PRRG2: variants seen among roughly 807,000 people sequenced by gnomAD.
PRRG2 encodes the protein proline rich and Gla domain 2, also known as transmembrane gamma-carboxyglutamic acid protein 2.
Under a neutral mutation model 27.1 loss-of-function variants are expected in PRRG2, and 23 were observed. That is an observed-to-expected ratio of 0.85 (90% CI 0.61 to 1.20). The LOEUF is 1.20. PRRG2 is among the 50% of genes most tolerant of loss of function. The pLI, the probability that PRRG2 is intolerant of heterozygous loss-of-function variation, is 0.00. For missense variants in PRRG2, 276 were observed against 254.8 expected (o/e 1.08, Z -0.57); for synonymous variants, 104 against 103.4 (o/e 1.01, Z -0.03).
intron 4 of PRRG2, among the ~76,000 whole-genome samples, chr19:49,584,504 T>G (rs968693965): frequency 8.5e-5 from 13 of 152,158 alleles, no homozygotes; most frequent in African/African-American, 3.1e-4. Context: ...GGTCTCGCTG[T>G]GTCACCCAGG....
At chr19:49,587,802 A>G (rs2080682535) in intron 4 of PRRG2, among the ~76,000 whole-genome samples, 1 of 151,298 alleles carries the variant, frequency 6.6e-6, no homozygotes. Flanking sequence ...TAATTTTTGT[A>G]GAGATGGGGT....
In PRRG2 at chr19:49,590,581, C is replaced by A; in HGVS notation, c.*192C>A. On this transcript the variant is annotated 3_prime_UTR_variant, in exon 7 of 7. Coordinates refer to ENST00000246794, the MANE Select transcript of PRRG2 (RefSeq NM_000951.3). ...ATGGATATACACATGTTTTCGGCAA[C>A]GTGTTCCCGTGTCCTGGCCCCTCAC... is the stretch of plus-strand genomic sequence containing the variant. The A allele has an allele frequency of 1.4e-6, 1 of 727,174 alleles. No individual in the cohort carries two copies. 45.0% of individuals were successfully genotyped at this position (727,174 alleles called of 1,614,324 possible).
intron 1 of PRRG2, among the ~76,000 whole-genome samples, chr19:49,582,641 G>T (rs1479932639): frequency 6.6e-6 from 1 of 152,020 alleles, no homozygotes; most frequent in African/African-American, 2.4e-5. Flanking sequence ...GCTGAGGCGG[G>T]CAGATCACGA....
In PRRG2 at chr19:49,590,031, C is replaced by T. The variant is rs1268457744; in HGVS notation, c.569C>T (p.Ala190Val). The T allele has an allele frequency of 6.6e-7, 1 of 1,524,066 alleles. No homozygotes were observed. The highest frequency in any genetic ancestry group is 8.8e-7 in the Non-Finnish European group (1 of 1,140,868). The allele number at this position is 1,524,066 out of a possible 1,614,324, so 94.4% of individuals were successfully genotyped here. A position where few individuals can be genotyped will look rare whatever the true frequency, so the allele number is the denominator to read the frequency against. Residue 190 changes from alanine (A) to valine (V), a missense_variant, in exon 6 of 7, where the codon GCA becomes GTA. Coordinates refer to ENST00000246794, the MANE Select transcript of PRRG2 (RefSeq NM_000951.3). ...QALAASGVHD[A>V]PPPPYTSLRR... ...CTGGCAGCCTCTGGGGTACACGACG[C>T]ACCTCCACCCCCCTACACCAGGTAT...
Position 49,590,387 on chromosome 19 carries a change from T to C in PRRG2, c.607T>C (p.Ter203ArgextTer14). 1 of 1,614,106 alleles carries C rather than the reference T, an allele frequency of 6.2e-7. No homozygotes were observed. Among genetic ancestry groups the C allele is most frequent in the Non-Finnish European group, 8.5e-7 (1 of 1,179,990 alleles). The change falls in exon 7 of 7, where the codon TGA becomes CGA. Residue 203 changes from the stop codon to arginine (R), a stop_lost. Coordinates refer to ENST00000246794, the MANE Select transcript of PRRG2 (RefSeq NM_000951.3). ...PPYTSLRRPH[*>R] Reference sequence around the variant, plus strand: ...CTCTTGCAGCCTCAGGAGGCCTCACTGAAGAGCTGCTTTCGAGACCCGGCT... The same window carrying C: ...CTCTTGCAGCCTCAGGAGGCCTCACCGAAGAGCTGCTTTCGAGACCCGGCT...
rs1023793597 is a variant in PRRG2, at chr19:49,583,083, G to A, written c.-13-124G>A. On this transcript the variant is annotated intron_variant, in intron 1 of 6. Coordinates refer to ENST00000246794, the MANE Select transcript of PRRG2 (RefSeq NM_000951.3). ...ATATAGGTAAACAGTATCTGGCACA[G>A]AATACAGGCTGTGTAAGTGGCTGCT... The A allele has an allele frequency of 9.9e-6, 7 of 708,424 alleles. No individual in the cohort carries two copies. In the Admixed American group the frequency reaches 1.9e-4, roughly 20 times the overall value. 43.9% of individuals were successfully genotyped at this position (708,424 alleles called of 1,614,324 possible).
chr19:49,580,854 C>T (rs1480734116), upstream of PRRG2: 1 of 152,188 alleles, frequency 6.6e-6, no homozygotes, highest in Non-Finnish European at 1.5e-5. Context: ...AAGGACTAAT[C>T]ACTTCCCCTA....
At position 49,587,324 on chromosome 19, in the gene PRRG2, C is replaced by CT. The variant is rs527352052; in HGVS notation, c.302-1153dup. On this transcript the variant is annotated intron_variant, in intron 4 of 6. Coordinates refer to ENST00000246794, the MANE Select transcript of PRRG2 (RefSeq NM_000951.3). ...TATTCCAAGTAGTACATGTGACATC[C>CT]TTTTTTTTTTTTTTTTTTTTGAGGG... Among the ~76,000 whole-genome samples, 842 of 121,744 alleles carry CT rather than the reference C, an allele frequency of 6.9e-3. 7 individuals carry two copies. Among genetic ancestry groups the CT allele is most frequent in the African/African-American group, 0.014 (410 of 29,670 alleles). The allele number at this position is 121,744 out of a possible 152,430, so 79.9% of individuals were successfully genotyped here.
At chr19:49,580,772 C>T (rs1462664043), upstream of PRRG2, 1 of 152,128 alleles carries the variant, frequency 6.6e-6, no homozygotes, top group Non-Finnish European at 1.5e-5. Context: ...TTACTATGTA[C>T]GAGGCATTTC....
At chr19:49,590,301 G>A in intron 6 of PRRG2, 70 bp from the exon 7 acceptor site, 1 of 1,609,626 alleles carries the variant, frequency 6.2e-7, no homozygotes, top group Non-Finnish European at 8.5e-7. Flanking sequence ...GGCGGTCGGA[G>A]TGGTCCTGGT....
At chr19:49,582,394 C>T (rs964866094) in intron 1 of PRRG2, among the ~76,000 whole-genome samples, 2 of 151,884 alleles carry the variant, frequency 1.3e-5, no homozygotes, top group Admixed American at 1.3e-4. Flanking sequence ...TCTGGCTCAG[C>T]CTCCCAAGTA....
intron 5 of PRRG2, among the ~76,000 whole-genome samples, chr19:49,589,426 C>CTTTTTT (rs398059803): frequency 7.6e-6 from 1 of 132,354 alleles, no homozygotes; most frequent in Non-Finnish European, 1.6e-5. Flanking sequence ...ACGCCTGGCC[C>CTTTTTT]TTTTTTTTTT....
rs377644989 is a variant in PRRG2 at position 49,583,163 on chromosome 19, C to A, written c.-13-44C>A. The A allele has an allele frequency of 5.2e-5, 80 of 1,531,754 alleles. 1 individual carries two copies. The highest frequency in any genetic ancestry group is 6.9e-5 in the Admixed American group (4 of 58,028). 94.9% of individuals were successfully genotyped at this position (1,531,754 alleles called of 1,614,324 possible). ...AGTCAGAGAGGCACTGCCTCATTACCCAGGGACTAAGGCCCTTGTCAGCTG... is the reference window on the plus strand; with the variant it reads ...AGTCAGAGAGGCACTGCCTCATTACACAGGGACTAAGGCCCTTGTCAGCTG... On this transcript the variant is annotated intron_variant, in intron 1 of 6. Coordinates refer to ENST00000246794, the MANE Select transcript of PRRG2 (RefSeq NM_000951.3).
At chr19:49,582,010 C>T (rs544941429) in intron 1 of PRRG2, among the ~76,000 whole-genome samples, 42 of 151,836 alleles carry the variant, frequency 2.8e-4, no homozygotes, top group Admixed American at 2.4e-3. Context: ...GAGGCCGAGG[C>T]GGGTGGATCA....
intron 4 of PRRG2, among the ~76,000 whole-genome samples, chr19:49,585,950 C>T (rs546863269): frequency 1.3e-3 from 200 of 151,608 alleles, no homozygotes; most frequent in African/African-American, 3.8e-3. Flanking sequence ...CATGGTGGCA[C>T]GTGGCTGTAA....
rs781705298 is a variant in PRRG2 at position 49,583,244 on chromosome 19, C to T, written c.25C>T (p.Leu9=). The T allele has an allele frequency of 2.5e-6, 4 of 1,614,136 alleles. No homozygotes were observed. The highest frequency in any genetic ancestry group is 8.5e-7 in the Non-Finnish European group (1 of 1,180,002). The change falls in exon 2 of 7, where the codon CTG becomes TTG. Residue 9 remains leucine, a synonymous_variant. Transcript: ENST00000246794. MRGHPSLL[L]LYMALTTCLD... ...TATGAGGGGCCACCCCTCTCTGCTGCTGCTATATATGGCATTAACCACCTG... is the reference window on the plus strand; with the variant it reads ...TATGAGGGGCCACCCCTCTCTGCTGTTGCTATATATGGCATTAACCACCTG...
intron 4 of PRRG2, among the ~76,000 whole-genome samples, chr19:49,586,631 T>A (rs1359948637): frequency 2.0e-5 from 3 of 152,064 alleles, no homozygotes; most frequent in Non-Finnish European, 4.4e-5. Context: ...GGCGGGTGGA[T>A]CACGAGGTCA....
chr19:49,586,303 C>T (rs2055830734), intron 4 of PRRG2, among the ~76,000 whole-genome samples: 1 of 151,360 alleles, frequency 6.6e-6, no homozygotes, highest in Admixed American at 6.6e-5. Flanking sequence ...GTCTACGCTG[C>T]TCTCGACCTC....
Position 49,590,599 on chromosome 19 carries a change from C to A in PRRG2, c.*210C>A. On this transcript the variant is annotated 3_prime_UTR_variant, in exon 7 of 7. Coordinates refer to ENST00000246794, the MANE Select transcript of PRRG2 (RefSeq NM_000951.3). ...TCGGCAACGTGTTCCCGTGTCCTGG[C>A]CCCTCACGGGCCCCCACACTCTCCT... is the stretch of plus-strand genomic sequence containing the variant. 1.5e-6 allele frequency: 1 copy of A among 660,688 alleles called. No individual in the cohort carries two copies. Among genetic ancestry groups the A allele is most frequent in the Non-Finnish European group, 2.6e-6 (1 of 390,584 alleles). 40.9% of individuals were successfully genotyped at this position (660,688 alleles called of 1,614,324 possible).
Sources: allele counts gnomAD v4.1 joint callset (sites outside exome capture counted in the v4.1 genomes callset), GRCh38; gene constraint gnomAD v4.1.1; transcripts MANE v1.5; gene names NCBI Gene and HGNC (gene_info 2026-07-23, HGNC 2026-07-21).